The following UVRAG variants were observed in gnomAD, a reference collection of about 807,000 sequenced individuals.
UVRAG encodes the protein UV radiation resistance-associated gene protein.
A neutral mutation model predicts 78.0 loss-of-function variants in UVRAG; 19 were observed. The ratio of observed to expected loss-of-function variants is 0.24; its 90% CI spans 0.17 to 0.36. UVRAG has a LOEUF of 0.36. UVRAG is among the 10% of genes least tolerant of loss of function. The pLI, the probability that UVRAG is intolerant of heterozygous loss-of-function variation, is 1.00. For synonymous variants in UVRAG, 323 were observed against 324.6 expected, an observed-to-expected ratio of 1.00 and a Z score of 0.05; for missense variants, 740 against 853.8, an observed-to-expected ratio of 0.87 and a Z score of 1.66.
At chr11:76,003,920 A>G in intron 8 of UVRAG, 85 bp from the exon 9 acceptor site, 2 of 1,218,026 alleles carry the variant, frequency 1.6e-6, no homozygotes, top group South Asian at 1.2e-5. Flanking sequence ...TCCCTCTCAC[A>G]GTCAGGGATT....
At chr11:76,076,738 C>A (rs960471645) in intron 13 of UVRAG, among the ~76,000 whole-genome samples, 3 of 151,920 alleles carry the variant, frequency 2.0e-5, no homozygotes, top group African/African-American at 7.3e-5. Flanking sequence ...TACTTATTGG[C>A]CATTTGTATA....
chr11:75,970,236 G>A (rs1041228401), intron 7 of UVRAG, among the ~76,000 whole-genome samples: 5 of 152,140 alleles, frequency 3.3e-5, no homozygotes, highest in Admixed American at 2.6e-4. Context: ...GAAAAAAAGA[G>A]GCTGAGTAAA....
intron 3 of UVRAG, among the ~76,000 whole-genome samples, chr11:75,862,191 T>A (rs1299110196): frequency 6.6e-6 from 1 of 152,252 alleles, no homozygotes; most frequent in Non-Finnish European, 1.5e-5. Context: ...CACTTCCATT[T>A]CCTATAAATA....
At chr11:76,089,408 C>T (rs1055859320) in intron 13 of UVRAG, among the ~76,000 whole-genome samples, 1 of 152,076 alleles carries the variant, frequency 6.6e-6, no homozygotes, top group Admixed American at 6.6e-5. Flanking sequence ...AGTAGTGGCT[C>T]TAGAGCTAAC....
chr11:76,089,734 C>T lies in UVRAG; in HGVS notation c.1305+23946C>T, dbSNP rs191301997. Among the ~76,000 whole-genome samples the T allele has an allele frequency of 3.3e-3, 503 of 152,274 alleles. 2 individuals carry two copies. The highest frequency in any genetic ancestry group is 4.2e-3 in the Non-Finnish European group (286 of 68,024). On this transcript the variant is annotated intron_variant, in intron 13 of 14. Coordinates refer to ENST00000356136, the MANE Select transcript of UVRAG (RefSeq NM_003369.4). Reference sequence around the variant, plus strand: ...CTTAGCAGATTATGTTACTACTTGCCTCTAAATAATTTGATAATGTTGATG... The same window carrying T: ...CTTAGCAGATTATGTTACTACTTGCTTCTAAATAATTTGATAATGTTGATG...
At chr11:76,033,389 T>TA (rs1393255520) in intron 12 of UVRAG, among the ~76,000 whole-genome samples, 1 of 152,172 alleles carries the variant, frequency 6.6e-6, no homozygotes, top group African/African-American at 2.4e-5. Flanking sequence ...ACGATATTAA[T>TA]TTTTCCCTTC....
intron 12 of UVRAG, among the ~76,000 whole-genome samples, chr11:76,018,101 G>A (rs1237701382): frequency 6.6e-6 from 1 of 152,092 alleles, no homozygotes; most frequent in African/African-American, 2.4e-5. Flanking sequence ...AAGTAAAAAG[G>A]GTTGAGTGGG....
At chr11:76,004,559 T>A (rs2135335727) in intron 9 of UVRAG, among the ~76,000 whole-genome samples, 1 of 152,198 alleles carries the variant, frequency 6.6e-6, no homozygotes, top group Non-Finnish European at 1.5e-5. Context: ...TAAAATACCA[T>A]TTTTACCTTA....
intron 6 of UVRAG, among the ~76,000 whole-genome samples, chr11:75,959,790 T>A (rs1948875143): frequency 2.0e-5 from 3 of 152,192 alleles, no homozygotes; most frequent in African/African-American, 7.2e-5. Context: ...CATTTCTAGC[T>A]TTTGATTTAA....
chr11:75,847,551 T>TA (rs1317772965), intron 1 of UVRAG, among the ~76,000 whole-genome samples: 1 of 152,140 alleles, frequency 6.6e-6, no homozygotes, highest in Non-Finnish European at 1.5e-5. Flanking sequence ...GGATTACAGT[T>TA]ATGAGCCACT....
At chr11:76,043,148 T>TA (rs1382729168) in intron 12 of UVRAG, among the ~76,000 whole-genome samples, 1 of 152,242 alleles carries the variant, frequency 6.6e-6, no homozygotes, top group Non-Finnish European at 1.5e-5. Context: ...TAATATCTGT[T>TA]GTCAACTCTG....
chr11:76,004,508 T>C (rs1000563080), intron 9 of UVRAG, among the ~76,000 whole-genome samples: 16 of 152,182 alleles, frequency 1.1e-4, no homozygotes, highest in African/African-American at 3.9e-4. Flanking sequence ...TCTCTTCATC[T>C]TTCCAGATTG....
chr11:75,941,290 T>C (rs1308019375), intron 6 of UVRAG, among the ~76,000 whole-genome samples: 6 of 152,168 alleles, frequency 3.9e-5, no homozygotes, highest in Non-Finnish European at 8.8e-5. Flanking sequence ...TTGTCTCTAC[T>C]TCTCCATATC....
At chr11:75,930,938 T>TCTTTCTTC (rs1306906275) in intron 6 of UVRAG, 2 of 141,404 alleles carry the variant, frequency 1.4e-5, no homozygotes, top group African/African-American at 5.6e-5. Flanking sequence ...TTTCTTTCTT[T>TCTTTCTTC]CTTTCTTTCT....
At chr11:76,099,934 T>G (rs1352434564) in intron 13 of UVRAG, among the ~76,000 whole-genome samples, 1 of 148,146 alleles carries the variant, frequency 6.8e-6, no homozygotes, top group Non-Finnish European at 1.5e-5. Flanking sequence ...GCTCTAGACT[T>G]TTTTTCTTAC....
intron 1 of UVRAG, among the ~76,000 whole-genome samples, chr11:75,826,087 T>C (rs1945503642): frequency 1.3e-5 from 2 of 152,268 alleles, no homozygotes; most frequent in East Asian, 3.9e-4. Context: ...TCCACCCACC[T>C]TGGCCTCCCA....
intron 8 of UVRAG, among the ~76,000 whole-genome samples, chr11:75,985,154 C>CTTTTT (rs796594987): frequency 5.4e-5 from 7 of 128,572 alleles, no homozygotes; most frequent in Non-Finnish European, 8.5e-5. Context: ...AATTTCTTTT[C>CTTTTT]TTTTTTTTTT....
intron 6 of UVRAG, among the ~76,000 whole-genome samples, chr11:75,950,610 A>C (rs866559836): frequency 5.3e-5 from 8 of 152,100 alleles, no homozygotes; most frequent in Middle Eastern, 3.2e-3. Context: ...TATTTAACTT[A>C]TTAGGTATTG....
chr11:75,847,424 G>GC (rs1333037261), intron 1 of UVRAG, among the ~76,000 whole-genome samples: 1 of 152,040 alleles, frequency 6.6e-6, no homozygotes, highest in Non-Finnish European at 1.5e-5. Flanking sequence ...ACTGTGCCCA[G>GC]CCCAGCTAAT....
Sources: gnomAD v4.1 joint callset for allele counts (sites outside exome capture counted in the v4.1 genomes callset) on GRCh38, gnomAD v4.1.1 for gene constraint, MANE v1.5 for transcripts, NCBI Gene and HGNC (gene_info 2026-07-23, HGNC 2026-07-21) for gene names.